The following CHI3L1 variants were observed in gnomAD, a reference collection of about 807,000 sequenced individuals.
The protein encoded by CHI3L1 is chitinase 3 like 1, also known as chitinase-3-like protein 1.
In CHI3L1, 30 loss-of-function variants were observed where a neutral mutation model predicts 40.7. That is an observed-to-expected ratio of 0.74 (90% CI 0.55 to 1.00). The LOEUF (loss-of-function observed/expected upper bound fraction) is 1.00, where lower values mean the gene tolerates loss of function less well. Ranked by LOEUF, CHI3L1 falls within the 50% of genes least tolerant of loss-of-function variation. The probability of loss-of-function intolerance (pLI) is 0.00; values close to 1 mark genes in which losing one functional copy is unlikely to be tolerated. For missense variants in CHI3L1, 493 were observed against 492.2 expected, an observed-to-expected ratio of 1.00 and a Z score of -0.01; for synonymous variants, 210 against 192.1, an observed-to-expected ratio of 1.09 and a Z score of -0.77.
chr1:203,183,146 C>T (rs1056361715), intron 5 of CHI3L1, among the ~76,000 whole-genome samples: 5 of 152,198 alleles, frequency 3.3e-5, no homozygotes, highest in African/African-American at 9.7e-5. Context: ...CCACAGATGA[C>T]TTTGGGAGAC....
At chr1:203,185,493 G>T in intron 2 of CHI3L1, 108 bp from the exon 3 acceptor site, 1 of 895,990 alleles carries the variant, frequency 1.1e-6, no homozygotes, top group Non-Finnish European at 1.8e-6. Context: ...GGGAGGAGTG[G>T]GGTGCAGATT....
chr1:203,184,096 A>C (rs1164772049), intron 4 of CHI3L1, among the ~76,000 whole-genome samples: 2 of 152,208 alleles, frequency 1.3e-5, no homozygotes, highest in African/African-American at 2.4e-5. Context: ...TGAGGACAAC[A>C]TGGGATCATG....
At position 203,179,422 on chromosome 1, in the gene CHI3L1, C is replaced by G. The variant is rs202080664; in HGVS notation, c.*23G>C. The G allele has an allele frequency of 2.1e-4, 313 of 1,514,048 alleles. 1 individual carries two copies. Among genetic ancestry groups the G allele is most frequent in the Middle Eastern group, 3.6e-4 (2 of 5,560 alleles). 93.8% of individuals were successfully genotyped at this position (1,514,048 alleles called of 1,614,324 possible). On this transcript the variant is annotated 3_prime_UTR_variant, in exon 10 of 10. Transcript: ENST00000255409. ...AGGGGGACGGGGCATCCTTGGCCCC[C>G]GTGCTGTGTGCAGAACAGAGGGCTA...
In CHI3L1 at chr1:203,183,220, C is replaced by T. The variant is rs115484021; in HGVS notation, c.466-368G>A. Reference sequence around the variant, plus strand: ...TGAAATCCCAAAGTTAAAGTGATTGCTGCTGGTATTGTGAACAATTTGTTT... The same window carrying T: ...TGAAATCCCAAAGTTAAAGTGATTGTTGCTGGTATTGTGAACAATTTGTTT... On this transcript the variant is annotated intron_variant, in intron 5 of 9. Coordinates refer to ENST00000255409, the MANE Select transcript of CHI3L1 (RefSeq NM_001276.4). Among the ~76,000 whole-genome samples the T allele has an allele frequency of 9.5e-3, 1,441 of 152,282 alleles. 24 individuals carry two copies. Among genetic ancestry groups the T allele is most frequent in the African/African-American group, 0.033 (1,372 of 41,548 alleles).
At position 203,180,659 on chromosome 1, in the gene CHI3L1, G is replaced by A. The variant is rs377356528; in HGVS notation, c.712-7C>T. On this transcript the variant is annotated splice_polypyrimidine_tract_variant and splice_region_variant and intron_variant, in intron 7 of 9. Coordinates refer to ENST00000255409, the MANE Select transcript of CHI3L1 (RefSeq NM_001276.4). ...TGTACCCCACAGCATAGTCCTGGGT[G>A]GGGTAGGGTGGGAACAACGTGAGCA... is the stretch of plus-strand genomic sequence containing the variant. 2.6e-5 allele frequency: 40 copies of A among 1,566,630 alleles called. No individual in the cohort carries two copies. Among genetic ancestry groups the A allele is most frequent in the Non-Finnish European group, 3.5e-5 (40 of 1,151,848 alleles).
chr1:203,186,200 T>C (rs1656051695), intron 2 of CHI3L1, 116 bp downstream of exon 2: 2 of 1,123,188 alleles, frequency 1.8e-6, no homozygotes, highest in South Asian at 2.7e-5. Flanking sequence ...TCGAAGTCAT[T>C]GGAAGCACAG....
Position 203,179,644 on chromosome 1 carries a change from G to A in CHI3L1, c.1012-59C>T, listed in dbSNP as rs748598425. 3.7e-6 allele frequency: 6 copies of A among 1,613,730 alleles called. No homozygotes were observed. The Admixed American group carries it at 1.0e-4, about 27-fold the overall frequency. On this transcript the variant is annotated intron_variant, in intron 9 of 9. Transcript: ENST00000255409. The stretch of plus-strand genomic sequence containing the variant: ...TTCCCTGACCCAGAGTGTGTACAGG[G>A]CACATGTGCTCTGTGAGCCCAGCCC...
At chr1:203,186,476 T>C in intron 1 of CHI3L1, 123 bp downstream of exon 1, 1 of 1,279,716 alleles carries the variant, frequency 7.8e-7, no homozygotes, top group Non-Finnish European at 1.1e-6. Flanking sequence ...CTCCCCTGGC[T>C]CTGCTTCTCC....
At chr1:203,180,381 G>A in intron 8 of CHI3L1, 89 bp downstream of exon 8, 1 of 1,243,618 alleles carries the variant, frequency 8.0e-7, no homozygotes, top group South Asian at 1.6e-5. Flanking sequence ...TATTCCCAAA[G>A]GAGAAAAAGC....
intron 6 of CHI3L1, chr1:203,182,224 C>T (rs1347632721): frequency 6.4e-6 from 1 of 156,432 alleles, no homozygotes; most frequent in Non-Finnish European, 1.4e-5. Flanking sequence ...AGAGATGAGG[C>T]TGCTTGGCTG....
chr1:203,186,585 G>A lies in CHI3L1; in HGVS notation c.25+14C>T, dbSNP rs1173765779. The stretch of plus-strand genomic sequence containing the variant: ...CCACAACTCTGATGGATTAACCTTG[G>A]CTAGCCCAGATACCTGTTTGAGACG... On this transcript the variant is annotated intron_variant, in intron 1 of 9. Transcript: ENST00000255409. 2 of 1,614,078 alleles carry A rather than the reference G, an allele frequency of 1.2e-6. No individual in the cohort carries two copies. The highest frequency in any genetic ancestry group is 3.3e-4 in the Middle Eastern group (2 of 6,062).
intron 6 of CHI3L1, among the ~76,000 whole-genome samples, chr1:203,182,443 T>C (rs1655955390): frequency 6.6e-6 from 1 of 152,272 alleles, no homozygotes; most frequent in Admixed American, 6.5e-5. Context: ...GAATAGCTTT[T>C]TCCACTTCCC....
At chr1:203,184,207 C>T (rs1194144089) in intron 4 of CHI3L1, among the ~76,000 whole-genome samples, 1 of 152,176 alleles carries the variant, frequency 6.6e-6, no homozygotes, top group Non-Finnish European at 1.5e-5. Flanking sequence ...CCCACCTAAT[C>T]CAAAGACTCC....
intron 7 of CHI3L1, 92 bp from the exon 8 acceptor site, chr1:203,180,744 G>T: frequency 3.3e-6 from 3 of 915,456 alleles, no homozygotes; most frequent in Non-Finnish European, 5.0e-6. Flanking sequence ...AGGGGTTATT[G>T]GTGTATGGTG....
intron 4 of CHI3L1, 68 bp from the exon 5 acceptor site, chr1:203,183,859 G>A (rs1655999923): frequency 1.9e-6 from 3 of 1,570,308 alleles, no homozygotes; most frequent in Middle Eastern, 3.3e-4. Flanking sequence ...CCTCTGGTGG[G>A]GTTTCCAGGA....
intron 8 of CHI3L1, 101 bp downstream of exon 8, chr1:203,180,369 T>C: frequency 8.7e-7 from 1 of 1,149,358 alleles, no homozygotes; most frequent in Non-Finnish European, 1.2e-6. Context: ...GGACATTTTC[T>C]TTATTCCCAA....
chr1:203,180,279 G>A, intron 8 of CHI3L1, 191 bp downstream of exon 8: 1 of 597,484 alleles, frequency 1.7e-6, no homozygotes, highest in Non-Finnish European at 2.9e-6. Flanking sequence ...GCAGGCCCAT[G>A]TGCCTGTACC....
At chr1:203,182,696 G>T in intron 6 of CHI3L1, 35 bp downstream of exon 6, 1 of 1,613,154 alleles carries the variant, frequency 6.2e-7, no homozygotes, top group Non-Finnish European at 8.5e-7. Context: ...TGTTGGCAGA[G>T]GTTCTGGGGA....
chr1:203,179,617 G>T (rs756278618), intron 9 of CHI3L1, 32 bp from the exon 10 acceptor site: 5 of 1,613,228 alleles, frequency 3.1e-6, no homozygotes, highest in South Asian at 1.1e-5. Context: ...AGCAGGGCTG[G>T]GTTCCCTGAC....
Sources: allele counts gnomAD v4.1 joint callset (sites outside exome capture counted in the v4.1 genomes callset), GRCh38; gene constraint gnomAD v4.1.1; transcripts MANE v1.5; gene names NCBI Gene and HGNC (gene_info 2026-07-23, HGNC 2026-07-21).